SEC24A: variants seen among roughly 807,000 people sequenced by gnomAD.
SEC24A encodes the protein SEC24 homolog A, COPII component, also known as protein transport protein Sec24A.
In SEC24A, 93 loss-of-function variants were observed where a neutral mutation model predicts 129.4. The observed-to-expected ratio is 0.72, with a 90% CI of 0.61 to 0.85. SEC24A has a LOEUF of 0.85. SEC24A is among the 40% of genes least tolerant of loss of function. SEC24A has a pLI of 0.00. For synonymous variants in SEC24A, 460 were observed against 467.3 expected, an observed-to-expected ratio of 0.98 and a Z score of 0.20; for missense variants, 1,264 against 1,307.4, an observed-to-expected ratio of 0.97 and a Z score of 0.51.
chr5:134,664,686 G>T (rs780286562), intron 2 of SEC24A, among the ~76,000 whole-genome samples: 1 of 151,190 alleles, frequency 6.6e-6, no homozygotes, highest in Non-Finnish European at 1.5e-5. Flanking sequence ...CCACTTCTTT[G>T]ATAAGGGAGT....
Position 134,650,609 on chromosome 5 carries a change from C to T in SEC24A, c.97+1436C>T, listed in dbSNP as rs113121777. Among the ~76,000 whole-genome samples, 704 of 150,790 alleles carry T rather than the reference C, an allele frequency of 4.7e-3. 5 individuals carry two copies. Among genetic ancestry groups the T allele is most frequent in the African/African-American group, 0.016 (661 of 40,996 alleles). The stretch of plus-strand genomic sequence containing the variant: ...GAGTGCAGTGGTGGTGATCTTGGCT[C>T]ACTGCAACCTCTGATTCCTGGGTTC... On this transcript the variant is annotated intron_variant, in intron 1 of 22. Transcript: ENST00000398844.
intron 2 of SEC24A, among the ~76,000 whole-genome samples, chr5:134,664,492 G>T (rs1750584810): frequency 6.6e-6 from 1 of 152,002 alleles, no homozygotes; most frequent in South Asian, 2.1e-4. Context: ...ATGATTATCT[G>T]TTCAAAAATA....
Position 134,703,943 on chromosome 5 carries a change from TG to T in SEC24A, c.2440+12del. 2 of 1,532,704 alleles carry T rather than the reference TG, an allele frequency of 1.3e-6. No individual in the cohort carries two copies. Among genetic ancestry groups the T allele is most frequent in the Non-Finnish European group, 8.8e-7 (1 of 1,131,662 alleles). 94.9% of individuals were successfully genotyped at this position (1,532,704 alleles called of 1,614,324 possible). A position where few individuals can be genotyped will look rare whatever the true frequency, so the allele number is the denominator to read the frequency against. On this transcript the variant is annotated intron_variant, in intron 16 of 22. Coordinates refer to ENST00000398844, the MANE Select transcript of SEC24A (RefSeq NM_021982.3). ...ATACATCCAGCAAAGGTAAATTGTT[TG>T]TTTTTTTTTGGATTTCAAATGTTCA...
intron 3 of SEC24A, among the ~76,000 whole-genome samples, chr5:134,670,654 C>G (rs1750823307): frequency 6.6e-6 from 1 of 152,140 alleles, no homozygotes; most frequent in African/African-American, 2.4e-5. Flanking sequence ...TCATTTATGT[C>G]ATCTTCAAAT....
intron 16 of SEC24A, among the ~76,000 whole-genome samples, chr5:134,704,818 A>AG (rs200980477): frequency 1.3e-5 from 2 of 150,380 alleles, no homozygotes; most frequent in Non-Finnish European, 3.0e-5. Context: ...AAAAAAAAAA[A>AG]GGATGAAATT....
At chr5:134,723,771 C>G (rs1358711259) in intron 22 of SEC24A, 101 bp downstream of exon 22, 7 of 701,906 alleles carry the variant, frequency 1.0e-5, no homozygotes, top group Non-Finnish European at 1.5e-5. Context: ...AAAAAGAGTT[C>G]TTCTCAATAA....
Position 134,715,073 on chromosome 5 carries a change from C to T in SEC24A, c.2777C>T (p.Ala926Val), listed in dbSNP as rs779917289. 31 of 1,612,516 alleles carry T rather than the reference C, an allele frequency of 1.9e-5. No homozygotes were observed. The East Asian group carries it at 6.9e-4, about 36-fold the overall frequency. Residue 926 changes from alanine (A) to valine (V), a missense_variant, in exon 19 of 23, where the codon GCT becomes GTT. Physicochemically the swap from Ala to Val is moderately conservative, Grantham distance 64 (BLOSUM62 0). Coordinates refer to ENST00000398844, the MANE Select transcript of SEC24A (RefSeq NM_021982.3). ...TNARLDERIF[A>V]MCQVKNQPLV... is the part of the protein sequence containing the mutation. ...GCACGTCTAGATGAACGCATTTTTG[C>T]TATGTGTCAAGTGAAAAACCAGCCC... is the stretch of plus-strand genomic sequence containing the variant.
At chr5:134,717,665 C>A (rs1036220853) in intron 19 of SEC24A, among the ~76,000 whole-genome samples, 1 of 152,032 alleles carries the variant, frequency 6.6e-6, no homozygotes, top group Non-Finnish European at 1.5e-5. Context: ...ACGCCTGTAA[C>A]AGCACTTTGG....
rs755855532 is a variant in SEC24A, at chr5:134,718,209, A to G, written c.2970+36A>G. Reference sequence around the variant, plus strand: ...TGACTTATCCTGACCCTCACTGCAAACTACTATACTGTTTTAATTTAGCAT... The same window carrying G: ...TGACTTATCCTGACCCTCACTGCAAGCTACTATACTGTTTTAATTTAGCAT... On this transcript the variant is annotated intron_variant, in intron 20 of 22. Transcript: ENST00000398844. 10 of 1,382,878 alleles carry G rather than the reference A, an allele frequency of 7.2e-6. No homozygotes were observed. The African/African-American group carries it at 1.4e-4, about 20-fold the overall frequency. 85.7% of individuals were successfully genotyped at this position (1,382,878 alleles called of 1,614,324 possible). A position where few individuals can be genotyped will look rare whatever the true frequency, so the allele number is the denominator to read the frequency against.
At chr5:134,700,260 C>G (rs1751965833) in intron 15 of SEC24A, among the ~76,000 whole-genome samples, 1 of 151,270 alleles carries the variant, frequency 6.6e-6, no homozygotes, top group Admixed American at 6.6e-5. Flanking sequence ...TTGCTCTGTC[C>G]CCCTGGCTGG....
intron 11 of SEC24A, among the ~76,000 whole-genome samples, chr5:134,692,396 A>G (rs1751687760): frequency 6.6e-6 from 1 of 152,168 alleles, no homozygotes. Context: ...AAGGTAGCAG[A>G]CAAGAAGCAG....
chr5:134,693,772 A>C lies in SEC24A; in HGVS notation c.1825A>C (p.Thr609Pro), dbSNP rs774481431. Residue 609 changes from threonine (T) to proline (P), a missense_variant, in exon 13 of 23, where the codon ACT becomes CCT. Physicochemically the swap from Thr to Pro is conservative, Grantham distance 38. Coordinates refer to ENST00000398844, the MANE Select transcript of SEC24A (RefSeq NM_021982.3). ...LKTLPQMFTKTLETQSALGPA... is the reference protein window; with the variant it reads ...LKTLPQMFTKPLETQSALGPA... ...AACTTTGCCACAAATGTTTACCAAG[A>C]CTCTGGAGACCCAGAGTGCCTTGGG... The C allele has an allele frequency of 1.2e-4, 198 of 1,614,006 alleles. No individual in the cohort carries two copies. Among genetic ancestry groups the C allele is most frequent in the Non-Finnish European group, 2.5e-5 (30 of 1,180,010 alleles).
At chr5:134,649,436 G>A (rs530699170) in intron 1 of SEC24A, among the ~76,000 whole-genome samples, 1 of 152,256 alleles carries the variant, frequency 6.6e-6, no homozygotes, top group South Asian at 2.1e-4. Flanking sequence ...TGAAACACGG[G>A]TGAGAAAATG....
chr5:134,656,313 C>T (rs1042022764), intron 1 of SEC24A, among the ~76,000 whole-genome samples: 2 of 152,022 alleles, frequency 1.3e-5, no homozygotes, highest in African/African-American at 2.4e-5. Context: ...CTCCTGACCT[C>T]ATGATCTGCC....
At chr5:134,705,571 A>G (rs748666773) in intron 17 of SEC24A, 134 bp downstream of exon 17, 2 of 541,948 alleles carry the variant, frequency 3.7e-6, no homozygotes, top group Non-Finnish European at 6.6e-6. Context: ...CTAAGTAACT[A>G]TTTGAAAAGA....
chr5:134,656,083 C>CTT lies in SEC24A; in HGVS notation c.98-5020_98-5019dup, dbSNP rs70976549. ...TGTCACTTTGGCTGCAGCTAAATAT[C>CTT]TTTTTTTTTTTTTTTTTAAGACAGA... On this transcript the variant is annotated intron_variant, in intron 1 of 22. Transcript: ENST00000398844. 1.8e-3 allele frequency among the ~76,000 whole-genome samples: 247 copies of CTT among 138,732 alleles called. 1 individual carries two copies. The highest frequency in any genetic ancestry group is 3.8e-3 in the Middle Eastern group (1 of 266). 91.0% of individuals were successfully genotyped at this position (138,732 alleles called of 152,430 possible). A position where few individuals can be genotyped will look rare whatever the true frequency, so the allele number is the denominator to read the frequency against.
intron 17 of SEC24A, among the ~76,000 whole-genome samples, chr5:134,707,341 T>A (rs922339324): frequency 5.3e-5 from 8 of 151,920 alleles, no homozygotes; most frequent in Admixed American, 5.3e-4. Context: ...ATTTATTTTT[T>A]TTTTTTGAGG....
intron 15 of SEC24A, among the ~76,000 whole-genome samples, chr5:134,702,706 A>C (rs77668333): frequency 2.6e-5 from 4 of 152,138 alleles, no homozygotes; most frequent in Admixed American, 1.3e-4. Flanking sequence ...ACTTCTGCCT[A>C]TTCTACCTAG....
At chr5:134,662,365 A>G (rs1042156001) in intron 2 of SEC24A, among the ~76,000 whole-genome samples, 1 of 151,990 alleles carries the variant, frequency 6.6e-6, no homozygotes, top group Admixed American at 6.6e-5. Flanking sequence ...CGTGTTAGCC[A>G]GGATGGTCTC....
Sources: gnomAD v4.1 joint callset for allele counts (sites outside exome capture counted in the v4.1 genomes callset) on GRCh38, gnomAD v4.1.1 for gene constraint, MANE v1.5 for transcripts, NCBI Gene and HGNC (gene_info 2026-07-23, HGNC 2026-07-21) for gene names.